ARHGAP42: variants seen among roughly 807,000 people sequenced by gnomAD.
ARHGAP42 encodes the protein Rho GTPase activating protein 42.
A neutral mutation model predicts 125.0 loss-of-function variants in ARHGAP42; 63 were observed. The ratio of observed to expected loss-of-function variants is 0.50; its 90% CI spans 0.41 to 0.62. The LOEUF (loss-of-function observed/expected upper bound fraction) is 0.62, where lower values mean the gene tolerates loss of function less well. ARHGAP42 is among the 20% of genes least tolerant of loss of function. ARHGAP42 has a pLI of 0.00. For missense variants in ARHGAP42, 766 were observed against 1,024.2 expected (o/e 0.75, Z 3.44); for synonymous variants, 339 against 351.0 (o/e 0.97, Z 0.38).
intron 1 of ARHGAP42, among the ~76,000 whole-genome samples, chr11:100,724,119 C>G (rs1235262701): frequency 1.3e-5 from 2 of 152,078 alleles, no homozygotes; most frequent in East Asian, 1.9e-4. Context: ...ATATTATGGG[C>G]TACATTAATT....
intron 17 of ARHGAP42, among the ~76,000 whole-genome samples, chr11:100,970,639 G>A (rs1412057898): frequency 6.6e-6 from 1 of 151,654 alleles, no homozygotes; most frequent in South Asian, 2.1e-4. Flanking sequence ...GGCTCTTTCT[G>A]TCTCTTTCCC....
intron 1 of ARHGAP42, among the ~76,000 whole-genome samples, chr11:100,734,923 G>A (rs559312156): frequency 3.3e-5 from 5 of 150,758 alleles, no homozygotes; most frequent in African/African-American, 7.4e-5. Context: ...TACAGATGTA[G>A]TTGGTTTACA....
chr11:100,901,530 T>C (rs551252325), intron 4 of ARHGAP42, among the ~76,000 whole-genome samples: 1 of 152,292 alleles, frequency 6.6e-6, no homozygotes, highest in East Asian at 1.9e-4. Context: ...GTGGAGTCTA[T>C]GGAGGCAGTA....
intron 1 of ARHGAP42, among the ~76,000 whole-genome samples, chr11:100,709,650 A>C (rs566502171): frequency 6.6e-6 from 1 of 152,334 alleles, no homozygotes; most frequent in South Asian, 2.1e-4. Flanking sequence ...CACTATATGG[A>C]ATATTTTTCT....
chr11:100,871,304 G>A (rs1674782900), intron 4 of ARHGAP42, among the ~76,000 whole-genome samples: 2 of 151,844 alleles, frequency 1.3e-5, no homozygotes, highest in South Asian at 4.2e-4. Flanking sequence ...CTAACCCTTT[G>A]GGAGGCACAG....
chr11:100,904,581 T>C (rs1342827532), intron 4 of ARHGAP42, among the ~76,000 whole-genome samples: 1 of 151,496 alleles, frequency 6.6e-6, no homozygotes, highest in Non-Finnish European at 1.5e-5. Flanking sequence ...CTTTCTTTGT[T>C]CACTTTTCTT....
chr11:100,914,918 A>T (rs1867024033), intron 5 of ARHGAP42, among the ~76,000 whole-genome samples: 1 of 152,110 alleles, frequency 6.6e-6, no homozygotes. Context: ...TAATTTTGGC[A>T]TCTGATGCCT....
intron 23 of ARHGAP42, among the ~76,000 whole-genome samples, chr11:100,987,806 A>AAATAAATAAAT: frequency 7.0e-6 from 1 of 142,472 alleles, no homozygotes; most frequent in South Asian, 2.4e-4. Flanking sequence ...CCCAACCCAC[A>AAATAAATAAAT]AAATAAATAA....
At chr11:100,965,567 G>A in intron 16 of ARHGAP42, 104 bp from the exon 17 acceptor site, 1 of 932,212 alleles carries the variant, frequency 1.1e-6, no homozygotes, top group Non-Finnish European at 1.7e-6. Context: ...ATGCCTATGA[G>A]GCATGAGGGG....
chr11:100,844,701 A>G (rs1476925982), intron 3 of ARHGAP42, among the ~76,000 whole-genome samples: 1 of 146,156 alleles, frequency 6.8e-6, no homozygotes, highest in East Asian at 1.9e-4. Flanking sequence ...AAATCTCAAC[A>G]TCACTAATGA....
chr11:100,770,534 C>G lies in ARHGAP42; in HGVS notation c.250+96C>G. 2.1e-6 allele frequency: 2 copies of G among 958,958 alleles called. 1 individual carries two copies. The highest frequency in any genetic ancestry group is 4.1e-5 in the South Asian group (2 of 48,584). 59.4% of individuals were successfully genotyped at this position (958,958 alleles called of 1,614,324 possible). On this transcript the variant is annotated intron_variant, in intron 2 of 23. Transcript: ENST00000298815. Reference sequence around the variant, plus strand: ...AAATAATAAACATGTAAAATATTTTCTGACTTTGACAATACTATAAGAGTG... The same window carrying G: ...AAATAATAAACATGTAAAATATTTTGTGACTTTGACAATACTATAAGAGTG...
intron 4 of ARHGAP42, among the ~76,000 whole-genome samples, chr11:100,905,682 A>G (rs1251050529): frequency 6.6e-6 from 1 of 152,208 alleles, no homozygotes; most frequent in Non-Finnish European, 1.5e-5. Context: ...ATATAATTAC[A>G]AAACAAATCT....
At chr11:100,781,547 C>T (rs1019641198) in intron 2 of ARHGAP42, among the ~76,000 whole-genome samples, 3 of 152,114 alleles carry the variant, frequency 2.0e-5, no homozygotes, top group African/African-American at 4.8e-5. Context: ...ACTTACCAAG[C>T]ACCGAGAATT....
intron 1 of ARHGAP42, among the ~76,000 whole-genome samples, chr11:100,768,258 G>C (rs911681616): frequency 2.6e-5 from 4 of 152,136 alleles, no homozygotes; most frequent in Non-Finnish European, 5.9e-5. Flanking sequence ...AATAACAAGT[G>C]GGAATTTATT....
intron 3 of ARHGAP42, among the ~76,000 whole-genome samples, chr11:100,809,407 T>C (rs1218240692): frequency 6.6e-6 from 1 of 152,226 alleles, no homozygotes; most frequent in African/African-American, 2.4e-5. Flanking sequence ...AAGGAATTAT[T>C]ATGAGTTAGG....
At chr11:100,929,468 CTG>C (rs565279085) in intron 6 of ARHGAP42, among the ~76,000 whole-genome samples, 117 of 152,276 alleles carry the variant, frequency 7.7e-4, no homozygotes, top group African/African-American at 2.7e-3. Context: ...CATGTGGTAA[CTG>C]TATGTTTCAC....
intron 3 of ARHGAP42, among the ~76,000 whole-genome samples, chr11:100,799,875 C>T (rs562724378): frequency 1.3e-5 from 2 of 152,178 alleles, no homozygotes; most frequent in South Asian, 2.1e-4. Context: ...TTGATAAAAA[C>T]GTAGTAGAAA....
chr11:100,812,653 C>CT (rs1433069790), intron 3 of ARHGAP42, among the ~76,000 whole-genome samples: 1 of 152,138 alleles, frequency 6.6e-6, no homozygotes, highest in African/African-American at 2.4e-5. Flanking sequence ...TGGGAAAATG[C>CT]TTTTCAGGTT....
chr11:100,944,168 A>G (rs1867956467), intron 10 of ARHGAP42, among the ~76,000 whole-genome samples: 1 of 152,026 alleles, frequency 6.6e-6, no homozygotes, highest in Non-Finnish European at 1.5e-5. Context: ...GAAGGAATCC[A>G]ATGGCATATT....
Sources: gnomAD v4.1 joint callset for allele counts (sites outside exome capture counted in the v4.1 genomes callset) on GRCh38, gnomAD v4.1.1 for gene constraint, MANE v1.5 for transcripts, NCBI Gene and HGNC (gene_info 2026-07-23, HGNC 2026-07-21) for gene names.